RBFOX2: variants seen among roughly 807,000 people sequenced by gnomAD.
RBFOX2 encodes the protein RNA binding protein fox-1 homolog 2.
In RBFOX2, 10 loss-of-function variants were observed where a neutral mutation model predicts 49.1. The ratio of observed to expected loss-of-function variants is 0.20; its 90% CI spans 0.13 to 0.35. The LOEUF is 0.35. Among genes scored for constraint, RBFOX2 ranks in the 10% least tolerant of loss-of-function variants. RBFOX2 has a pLI of 1.00. For synonymous variants in RBFOX2, 183 were observed against 187.4 expected, an observed-to-expected ratio of 0.98 and a Z score of 0.19; for missense variants, 323 against 486.9, an observed-to-expected ratio of 0.66 and a Z score of 3.17.
In RBFOX2 at chr22:36,010,766, C is replaced by A. The variant is rs5995188; in HGVS notation, c.186+17474G>T. On this transcript the variant is annotated intron_variant, in intron 1 of 13. Transcript: ENST00000438146. ...ACACACACACACACACACACACACACACACACACACACGTGTGTTTATATT... is the reference window on the plus strand; with the variant it reads ...ACACACACACACACACACACACACAAACACACACACACGTGTGTTTATATT... Among the ~76,000 whole-genome samples the A allele has an allele frequency of 3.3e-4, 50 of 151,388 alleles. 1 individual carries two copies. Among genetic ancestry groups the A allele is most frequent in the African/African-American group, 1.2e-3 (48 of 40,942 alleles).
At chr22:35,928,562 T>C (rs1723694015) in intron 1 of RBFOX2, among the ~76,000 whole-genome samples, 1 of 152,238 alleles carries the variant, frequency 6.6e-6, no homozygotes, top group African/African-American at 2.4e-5. Context: ...TCATAGTTGC[T>C]TTCATAAAAT....
exon 8 of RBFOX2, chr22:35,761,242 T>C (rs776478955): frequency 2.5e-6 from 4 of 1,614,114 alleles, no homozygotes; most frequent in Admixed American, 1.7e-5. Context: ...CTCTTCCTGA[T>C]AGGGGCACTG....
intron 1 of RBFOX2, among the ~76,000 whole-genome samples, chr22:35,960,026 T>C (rs992529749): frequency 1.3e-5 from 2 of 152,222 alleles, no homozygotes; most frequent in Non-Finnish European, 2.9e-5. Context: ...TGTTATTTTT[T>C]TTCTGAATTA....
intron 10 of RBFOX2, 39 bp downstream of exon 12, chr22:35,746,434 C>T: frequency 6.8e-7 from 1 of 1,473,012 alleles, no homozygotes; most frequent in Non-Finnish European, 9.3e-7. Context: ...TGGAACAGCT[C>T]TCATGCATCC....
chr22:35,751,481 T>C (rs1007850242), intron 9 of RBFOX2, among the ~76,000 whole-genome samples: 1 of 152,176 alleles, frequency 6.6e-6, no homozygotes, highest in Admixed American at 6.5e-5. Flanking sequence ...AGAGATCTAT[T>C]CCAACTAGCG....
At chr22:35,948,509 C>A (rs991985367) in intron 1 of RBFOX2, among the ~76,000 whole-genome samples, 1 of 151,978 alleles carries the variant, frequency 6.6e-6, no homozygotes, top group Non-Finnish European at 1.5e-5. Flanking sequence ...CATAAGGAGA[C>A]CCTGGGTCTA....
chr22:35,897,580 T>G, intron 1 of RBFOX2: 1 of 964,872 alleles, frequency 1.0e-6, no homozygotes, highest in Non-Finnish European at 1.7e-6. Context: ...CTTCACCAGG[T>G]CAAAGAGGAG....
At chr22:35,989,070 T>C (rs894245344) in intron 1 of RBFOX2, among the ~76,000 whole-genome samples, 5 of 152,196 alleles carry the variant, frequency 3.3e-5, no homozygotes, top group Non-Finnish European at 1.5e-5. Context: ...GATGTTGTGT[T>C]TGCAGTTAAC....
intron 1 of RBFOX2, among the ~76,000 whole-genome samples, chr22:35,848,979 A>G (rs1462880423): frequency 6.6e-6 from 1 of 152,186 alleles, no homozygotes; most frequent in African/African-American, 2.4e-5. Context: ...TTTTCTTACT[A>G]TAAGATATTC....
intron 1 of RBFOX2, among the ~76,000 whole-genome samples, chr22:35,928,848 CTTAA>C (rs1045608333): frequency 5.3e-5 from 8 of 152,138 alleles, no homozygotes; most frequent in Non-Finnish European, 1.2e-4. Context: ...AAGGTACCTA[CTTAA>C]TTATTAGGGA....
intron 1 of RBFOX2, among the ~76,000 whole-genome samples, chr22:35,937,217 T>C (rs940549004): frequency 2.0e-5 from 3 of 152,204 alleles, no homozygotes. Flanking sequence ...AATGTTTTTC[T>C]GATATATGAC....
At chr22:35,837,193 A>G (rs2148787925) in intron 1 of RBFOX2, among the ~76,000 whole-genome samples, 1 of 152,318 alleles carries the variant, frequency 6.6e-6, no homozygotes, top group East Asian at 1.9e-4. Flanking sequence ...AATAAAGCGC[A>G]TACACTGTGC....
At chr22:35,919,116 G>A (rs1256226391) in intron 1 of RBFOX2, among the ~76,000 whole-genome samples, 1 of 152,228 alleles carries the variant, frequency 6.6e-6, no homozygotes, top group Non-Finnish European at 1.5e-5. Context: ...AAAGAAGCCA[G>A]ACACAAGGGA....
At chr22:35,761,169 A>T (rs1234597340) in intron 8 of RBFOX2, 33 bp downstream of exon 9, 6 of 1,591,136 alleles carry the variant, frequency 3.8e-6, no homozygotes, top group Non-Finnish European at 4.3e-6. Context: ...CACAACAGTC[A>T]AAATCCATGC....
In RBFOX2 at chr22:35,878,079, C is replaced by T. The variant is rs796276324; in HGVS notation, c.-34+60768G>A. On this transcript the variant is annotated intron_variant, in intron 1 of 13. Coordinates refer to the RBFOX2 transcript ENST00000359369. ...ACACACACACACACACACACACACA[C>T]GGAGTTTGTTTTGTTTTTAAAGATA... Among the ~76,000 whole-genome samples, 187 of 145,548 alleles carry T rather than the reference C, an allele frequency of 1.3e-3. 1 individual carries two copies. The highest frequency in any genetic ancestry group is 4.6e-3 in the African/African-American group (179 of 39,050).
At chr22:35,959,878 A>T (rs1243886279) in intron 1 of RBFOX2, among the ~76,000 whole-genome samples, 1 of 152,214 alleles carries the variant, frequency 6.6e-6, no homozygotes, top group Non-Finnish European at 1.5e-5. Flanking sequence ...GATGTATAAT[A>T]GCACAGTATT....
At chr22:35,763,003 T>C (rs1354025267) in intron 6 of RBFOX2, among the ~76,000 whole-genome samples, 1 of 152,186 alleles carries the variant, frequency 6.6e-6, no homozygotes, top group Non-Finnish European at 1.5e-5. Flanking sequence ...CCTACTTGAA[T>C]TGTAAGAACA....
At chr22:35,821,055 A>G (rs73413813) in intron 1 of RBFOX2, among the ~76,000 whole-genome samples, 6,476 of 152,218 alleles carry the variant, frequency 0.043, 463 homozygotes, top group African/African-American at 0.14. Flanking sequence ...AGTGAGCAAG[A>G]AAGAGTGGGA....
chr22:35,977,074 A>C (rs1296041449), intron 1 of RBFOX2, among the ~76,000 whole-genome samples: 3 of 152,234 alleles, frequency 2.0e-5, no homozygotes, highest in Non-Finnish European at 4.4e-5. Context: ...CAAATATGCA[A>C]ATGAAAGATG....
Sources: allele counts gnomAD v4.1 joint callset (sites outside exome capture counted in the v4.1 genomes callset), GRCh38; gene constraint gnomAD v4.1.1; transcripts MANE v1.5; gene names NCBI Gene and HGNC (gene_info 2026-07-23, HGNC 2026-07-21).